The following BNIP3L variants were observed in gnomAD, a reference collection of about 807,000 sequenced individuals.
BNIP3L encodes the protein BCL2/adenovirus E1B 19 kDa protein-interacting protein 3-like.
A neutral mutation model predicts 25.5 loss-of-function variants in BNIP3L; 10 were observed. The ratio of observed to expected loss-of-function variants is 0.39; its 90% confidence interval spans 0.24 to 0.67. The LOEUF (loss-of-function observed/expected upper bound fraction) is 0.67. Among genes scored for constraint, BNIP3L ranks in the 30% least tolerant of loss-of-function variants. The pLI is 0.45. For missense variants in BNIP3L, 215 were observed against 270.9 expected (o/e 0.79, Z 1.45); for synonymous variants, 113 against 101.2 (o/e 1.12, Z -0.70).
At chr8:26,390,846 G>A (rs534968688) in intron 1 of BNIP3L, among the ~76,000 whole-genome samples, 2 of 152,174 alleles carry the variant, frequency 1.3e-5, no homozygotes, top group African/African-American at 4.8e-5. Context: ...AGCAGCTTAG[G>A]TAGACTATGA....
intron 3 of BNIP3L, chr8:26,396,043 G>A (rs1395073095): frequency 6.6e-6 from 1 of 151,890 alleles, no homozygotes; most frequent in Non-Finnish European, 1.5e-5. Flanking sequence ...AGCGAGGCTG[G>A]GGGAGGGGCG....
At chr8:26,392,840 A>G (rs962267092) in intron 2 of BNIP3L, among the ~76,000 whole-genome samples, 2 of 152,120 alleles carry the variant, frequency 1.3e-5, no homozygotes, top group Admixed American at 6.5e-5. Context: ...CATTGATACC[A>G]TGGTGTCCAT....
chr8:26,394,691 A>G (rs1806192804), intron 2 of BNIP3L, among the ~76,000 whole-genome samples: 1 of 152,214 alleles, frequency 6.6e-6, no homozygotes, highest in Non-Finnish European at 1.5e-5. Context: ...ATCACACATC[A>G]TGTAGCCTTT....
chr8:26,389,584 G>A (rs912401776), intron 1 of BNIP3L, among the ~76,000 whole-genome samples: 1 of 152,178 alleles, frequency 6.6e-6, no homozygotes, highest in Non-Finnish European at 1.5e-5. Flanking sequence ...AGCCACTGGG[G>A]CTGCCTCAAA....
chr8:26,402,925 G>T (rs1027574161), intron 3 of BNIP3L, among the ~76,000 whole-genome samples: 1 of 152,182 alleles, frequency 6.6e-6, no homozygotes, highest in East Asian at 1.9e-4. Context: ...TGGAGTTGCA[G>T]ATGTGCAATC....
intron 2 of BNIP3L, among the ~76,000 whole-genome samples, chr8:26,394,240 T>C (rs909731485): frequency 4.6e-5 from 7 of 152,160 alleles, no homozygotes; most frequent in Non-Finnish European, 1.0e-4. Flanking sequence ...GTCTAAAAAC[T>C]TATTTGTAAA....
Position 26,391,225 on chromosome 8 carries a change from A to G in BNIP3L, c.101-18A>G. On this transcript the variant is annotated intron_variant, in intron 1 of 5. Coordinates refer to ENST00000380629, the MANE Select transcript of BNIP3L (RefSeq NM_004331.3). ...ATTTCAGTTCTGCTGTGGTTAACTT[A>G]TCTGACTTGTCCAACAGGTTCCTGG... The G allele has an allele frequency of 6.4e-7, 1 of 1,563,440 alleles. No individual in the cohort carries two copies. The highest frequency in any genetic ancestry group is 1.2e-5 in the South Asian group (1 of 82,028).
At chr8:26,404,366 G>A (rs779334833) in intron 3 of BNIP3L, among the ~76,000 whole-genome samples, 5 of 152,132 alleles carry the variant, frequency 3.3e-5, no homozygotes, top group African/African-American at 9.7e-5. Context: ...GTAAAACTGT[G>A]ATTTTTATCT....
chr8:26,406,999 C>CT (rs1402141527), intron 3 of BNIP3L, among the ~76,000 whole-genome samples: 3 of 130,780 alleles, frequency 2.3e-5, no homozygotes, highest in Admixed American at 7.6e-5. Flanking sequence ...TTTTTTTTTT[C>CT]TTTTTTTTGT....
chr8:26,392,868 G>A lies in BNIP3L; in HGVS notation c.284+1442G>A, dbSNP rs145605447. 9.8e-4 allele frequency among the ~76,000 whole-genome samples: 149 copies of A among 152,166 alleles called. 1 individual carries two copies. Among genetic ancestry groups the A allele is most frequent in the African/African-American group, 3.4e-3 (141 of 41,502 alleles). On this transcript the variant is annotated intron_variant, in intron 2 of 5. Coordinates refer to ENST00000380629, the MANE Select transcript of BNIP3L (RefSeq NM_004331.3). ...GTGTCCATGAGCCTGTTGTTCACAT[G>A]GTGCTGTCAATGAGCAGAGAACAGT...
chr8:26,390,330 G>A, intron 1 of BNIP3L: 1 of 979,708 alleles, frequency 1.0e-6, no homozygotes, highest in Non-Finnish European at 1.2e-6. Context: ...CAAGATGTAT[G>A]CAGAATTACC....
At chr8:26,404,026 T>C (rs747944167) in intron 3 of BNIP3L, among the ~76,000 whole-genome samples, 50 of 152,220 alleles carry the variant, frequency 3.3e-4, no homozygotes, top group Admixed American at 1.6e-3. Flanking sequence ...TGAATTCGAT[T>C]GATAACAGGA....
chr8:26,404,388 A>G (rs577794086), intron 3 of BNIP3L, among the ~76,000 whole-genome samples: 52 of 152,354 alleles, frequency 3.4e-4, no homozygotes, highest in African/African-American at 1.1e-3. Context: ...TACATGAATC[A>G]TGGTATACAG....
At position 26,388,170 on chromosome 8, in the gene BNIP3L, A is replaced by G. The variant is rs1806029638; in HGVS notation, c.101-3073A>G. 1.3e-5 allele frequency among the ~76,000 whole-genome samples: 2 copies of G among 152,164 alleles called. 1 individual carries two copies. The highest frequency in any genetic ancestry group is 4.8e-5 in the African/African-American group (2 of 41,444). On this transcript the variant is annotated intron_variant, in intron 1 of 5. Transcript: ENST00000380629. ...AGGTTGGGAGAGATGTTAATTTTTA[A>G]TTTTATGTACTGATGTTTACGTTTT...
chr8:26,395,207 T>A, intron 2 of BNIP3L, 23 bp from the exon 3 acceptor site: 2 of 1,610,188 alleles, frequency 1.2e-6, no homozygotes, highest in Admixed American at 3.4e-5. Flanking sequence ...TTAAAACTAA[T>A]AGCTGAATTC....
intron 3 of BNIP3L, among the ~76,000 whole-genome samples, chr8:26,403,507 A>G (rs1363682991): frequency 6.7e-6 from 1 of 148,900 alleles, no homozygotes; most frequent in Non-Finnish European, 1.5e-5. Context: ...AACATTAACT[A>G]GATATGTTCT....
intron 3 of BNIP3L, among the ~76,000 whole-genome samples, chr8:26,402,850 A>G (rs1222162932): frequency 2.0e-5 from 3 of 152,244 alleles, no homozygotes; most frequent in Middle Eastern, 3.2e-3. Flanking sequence ...TCTTCTCTGC[A>G]TACGTTTTTC....
intron 3 of BNIP3L, among the ~76,000 whole-genome samples, chr8:26,407,061 C>T (rs900267057): frequency 2.6e-5 from 4 of 151,166 alleles, no homozygotes; most frequent in Admixed American, 2.0e-4. Context: ...GGCTGGATCT[C>T]GGCTCCACCT....
chr8:26,401,596 G>A (rs369803683), intron 3 of BNIP3L, among the ~76,000 whole-genome samples: 11 of 147,290 alleles, frequency 7.5e-5, no homozygotes, highest in Admixed American at 2.7e-4. Flanking sequence ...CCTACCAGTG[G>A]AGGTACAAAA....
Sources: allele counts gnomAD v4.1 joint callset (sites outside exome capture counted in the v4.1 genomes callset), GRCh38; gene constraint gnomAD v4.1.1; transcripts MANE v1.5; gene names NCBI Gene and HGNC (gene_info 2026-07-23, HGNC 2026-07-21).